STPG2: variants seen among roughly 807,000 people sequenced by gnomAD.
STPG2 encodes sperm tail PG-rich repeat containing 2.
STPG2 carries 56 observed loss-of-function variants against 54.2 expected under a neutral mutation model. The observed-to-expected ratio is 1.03, with a 90% CI of 0.83 to 1.29. The LOEUF is 1.29. STPG2 is among the 50% of genes most tolerant of loss of function. The pLI is 0.00. For synonymous variants in STPG2, 200 were observed against 181.8 expected (o/e 1.10, Z -0.81); for missense variants, 596 against 544.9 (o/e 1.09, Z -0.93).
intron 10 of STPG2, among the ~76,000 whole-genome samples, chr4:97,644,780 A>G (rs1272447359): frequency 1.3e-5 from 2 of 152,040 alleles, no homozygotes; most frequent in African/African-American, 4.8e-5. Flanking sequence ...CAGACCAGTA[A>G]CATATCCTTT....
At chr4:97,800,371 C>A (rs146400862) in intron 9 of STPG2, among the ~76,000 whole-genome samples, 37 of 152,282 alleles carry the variant, frequency 2.4e-4, no homozygotes, top group African/African-American at 8.4e-4. Flanking sequence ...GTGTGGACAT[C>A]CTTTCTGTTT....
At chr4:97,462,165 C>A (rs928728401) in intron 4 of STPG2, among the ~76,000 whole-genome samples, 1 of 151,848 alleles carries the variant, frequency 6.6e-6, no homozygotes, top group Non-Finnish European at 1.5e-5. Context: ...CATATGGAAA[C>A]CCAGTTGAAT....
At chr4:97,506,462 A>G (rs1730847041) in intron 4 of STPG2, among the ~76,000 whole-genome samples, 1 of 152,060 alleles carries the variant, frequency 6.6e-6, no homozygotes, top group Non-Finnish European at 1.5e-5. Flanking sequence ...AAAACTGAAA[A>G]AATTGATGTC....
intron 9 of STPG2, among the ~76,000 whole-genome samples, chr4:97,799,193 A>C: frequency 6.7e-6 from 1 of 149,816 alleles, no homozygotes; most frequent in Non-Finnish European, 1.5e-5. Flanking sequence ...ATTTAAGGTT[A>C]ATATTGTTAT....
intron 9 of STPG2, among the ~76,000 whole-genome samples, chr4:97,797,624 A>C (rs1021558618): frequency 6.6e-5 from 10 of 152,204 alleles, no homozygotes; most frequent in Admixed American, 2.0e-4. Flanking sequence ...ATTGATGTTC[A>C]TCAGGGATAT....
intron 8 of STPG2, among the ~76,000 whole-genome samples, chr4:97,926,923 C>T (rs988466942): frequency 2.0e-5 from 3 of 152,000 alleles, no homozygotes; most frequent in Non-Finnish European, 4.4e-5. Flanking sequence ...ATAGGCAACA[C>T]AGTGAAATAA....
intron 4 of STPG2, among the ~76,000 whole-genome samples, chr4:97,466,480 G>C (rs1189705734): frequency 6.6e-6 from 1 of 152,006 alleles, no homozygotes; most frequent in African/African-American, 2.4e-5. Flanking sequence ...TAATGGAAGT[G>C]AGCAGTTCTT....
At chr4:98,018,932 G>C (rs77125818) in intron 5 of STPG2, among the ~76,000 whole-genome samples, 1 of 151,494 alleles carries the variant, frequency 6.6e-6, no homozygotes, top group East Asian at 1.9e-4. Context: ...TTTGTCAGAT[G>C]AGTAGGTTGC....
intron 10 of STPG2, among the ~76,000 whole-genome samples, chr4:97,688,333 A>G (rs1199129988): frequency 6.6e-6 from 1 of 152,120 alleles, no homozygotes; most frequent in Non-Finnish European, 1.5e-5. Context: ...AACAATTCAG[A>G]GTTTTTTGAA....
chr4:98,073,009 T>A (rs182284133), intron 5 of STPG2, among the ~76,000 whole-genome samples: 1 of 152,180 alleles, frequency 6.6e-6, no homozygotes. Context: ...ATGCTATATA[T>A]GAGACGCAGG....
chr4:98,084,309 A>G (rs1163694219), intron 5 of STPG2, among the ~76,000 whole-genome samples: 1 of 152,186 alleles, frequency 6.6e-6, no homozygotes, highest in Admixed American at 6.5e-5. Context: ...GCTAAATAGT[A>G]TTACATTGTA....
rs112660856 is a variant in STPG2 at position 97,549,218 on chromosome 4, A to G, written c.462+163481T>C. ...TCCATCTGCAGTTAGGATAAGGTAT[A>G]CATTACACCATTGTTGTGAAAATTA... On this transcript the variant is annotated intron_variant, in intron 4 of 4. Coordinates refer to the STPG2 transcript ENST00000522676. 5.5e-3 allele frequency among the ~76,000 whole-genome samples: 836 copies of G among 152,334 alleles called. 7 individuals are homozygous for G. The highest frequency in any genetic ancestry group is 0.02 in the Middle Eastern group (6 of 294).
chr4:97,673,093 C>G (rs149267486), intron 10 of STPG2, among the ~76,000 whole-genome samples: 15 of 152,230 alleles, frequency 9.9e-5, no homozygotes, highest in Admixed American at 3.9e-4. Context: ...TATAAATAAG[C>G]CTGTAGGGAG....
chr4:98,060,195 T>G (rs1737600496), intron 5 of STPG2, among the ~76,000 whole-genome samples: 1 of 152,148 alleles, frequency 6.6e-6, no homozygotes, highest in Non-Finnish European at 1.5e-5. Context: ...AAACTGCCTT[T>G]AGCTGGTAAA....
At chr4:97,717,491 G>T (rs1027101569) in intron 9 of STPG2, among the ~76,000 whole-genome samples, 2 of 152,166 alleles carry the variant, frequency 1.3e-5, no homozygotes, top group African/African-American at 4.8e-5. Context: ...CTATAGGGCT[G>T]TCACTGTTAT....
intron 10 of STPG2, among the ~76,000 whole-genome samples, chr4:97,697,476 C>A (rs528994548): frequency 3.2e-4 from 49 of 152,278 alleles, no homozygotes; most frequent in African/African-American, 1.1e-3. Flanking sequence ...TCTGTGATTT[C>A]AATGATGATT....
intron 5 of STPG2, among the ~76,000 whole-genome samples, chr4:98,015,284 G>A (rs1735904775): frequency 6.6e-6 from 1 of 151,330 alleles, no homozygotes; most frequent in Non-Finnish European, 1.5e-5. Flanking sequence ...TACAGAATGG[G>A]AGAAAATTTT....
At chr4:97,639,845 C>G (rs536371550) in intron 10 of STPG2, among the ~76,000 whole-genome samples, 6 of 151,930 alleles carry the variant, frequency 3.9e-5, no homozygotes, top group Middle Eastern at 3.4e-3. Context: ...AAAAATAAAA[C>G]TAACAATAAC....
intron 9 of STPG2, among the ~76,000 whole-genome samples, chr4:97,803,472 G>A (rs1025770437): frequency 6.6e-6 from 1 of 152,060 alleles, no homozygotes; most frequent in African/African-American, 2.4e-5. Flanking sequence ...AGGTGGGGGA[G>A]GATCTATTCC....
Sources: allele counts gnomAD v4.1 joint callset (sites outside exome capture counted in the v4.1 genomes callset), GRCh38; gene constraint gnomAD v4.1.1; transcripts MANE v1.5; gene names NCBI Gene and HGNC (gene_info 2026-07-23, HGNC 2026-07-21).